The following USP4 variants were observed in gnomAD, a reference collection of about 807,000 sequenced individuals.
The protein encoded by USP4 is ubiquitin specific peptidase 4.
USP4 carries 72 observed loss-of-function variants against 118.2 expected under a neutral mutation model. The observed-to-expected ratio is 0.61, with a 90% confidence interval of 0.50 to 0.74. USP4 has a LOEUF of 0.74. Ranked by LOEUF, USP4 falls within the 30% of genes least tolerant of loss-of-function variation. USP4 has a pLI of 0.00. For synonymous variants in USP4, 415 were observed against 440.4 expected, an observed-to-expected ratio of 0.94 and a Z score of 0.72; for missense variants, 1,037 against 1,185.7, an observed-to-expected ratio of 0.87 and a Z score of 1.84.
intron 2 of USP4, among the ~76,000 whole-genome samples, chr3:49,328,242 C>T (rs2047577776): frequency 6.6e-6 from 1 of 151,936 alleles, no homozygotes; most frequent in Admixed American, 6.6e-5. Context: ...CCTGTAGTCC[C>T]AGCTACTCGG....
Position 49,292,505 on chromosome 3 carries a change from C to G in USP4, c.1972+5G>C, listed in dbSNP as rs376656962. The G allele has an allele frequency of 2.9e-4, 445 of 1,560,446 alleles. No individual in the cohort carries two copies. Among genetic ancestry groups the G allele is most frequent in the Non-Finnish European group, 3.7e-4 (431 of 1,152,436 alleles). ...TCACAGCCACAGAGCATGGTGCATA[C>G]TCACCTTCACAGCTGTTCCTGGAGC... is the stretch of plus-strand genomic sequence containing the variant. On this transcript the variant is annotated splice_donor_5th_base_variant and intron_variant, in intron 15 of 21. Transcript: ENST00000265560.
At chr3:49,309,941 A>ATATTTTTTTTTTT (rs2047365541) in intron 8 of USP4, among the ~76,000 whole-genome samples, 1 of 15,402 alleles carries the variant, frequency 6.5e-5, no homozygotes, top group African/African-American at 3.1e-4. Flanking sequence ...CTTTTTTTTA[A>ATATTTTTTTTTTT]TCTTTTTTTT....
At chr3:49,305,635 A>T (rs1265141917) in intron 9 of USP4, 80 bp downstream of exon 9, 3 of 1,345,302 alleles carry the variant, frequency 2.2e-6, no homozygotes, top group African/African-American at 1.5e-5. Flanking sequence ...ATCCTAAAAA[A>T]CCTGAAGTCC....
rs2046990590 is a variant in USP4 at position 49,279,071 on chromosome 3, A to T, written c.2645-169T>A. 9.5e-6 allele frequency: 4 copies of T among 421,184 alleles called. No individual in the cohort carries two copies. In the Admixed American group the frequency reaches 1.7e-4, roughly 18 times the overall value. The allele number at this position is 421,184 out of a possible 1,614,324, so 26.1% of individuals were successfully genotyped here. A position where few individuals can be genotyped will look rare whatever the true frequency, so the allele number is the denominator to read the frequency against. ...CAAAAAACAACTCACCTTCTTTTCT[A>T]ATCTGTTCCTTCTCAAAAAGGATCA... On this transcript the variant is annotated intron_variant, in intron 20 of 21. Transcript: ENST00000265560.
At position 49,277,923 on chromosome 3, in the gene USP4, G is replaced by A. The variant is rs142833128; in HGVS notation, c.*370C>T. On this transcript the variant is annotated 3_prime_UTR_variant, in exon 22 of 22. Coordinates refer to ENST00000265560, the MANE Select transcript of USP4 (RefSeq NM_003363.4). ...TGGCATCAGAACCAGAAATCCAGGC[G>A]CTCAGGGCAGCCCTGCAGGTGGGGT... The A allele has an allele frequency of 1.8e-5, 7 of 395,164 alleles. No homozygotes were observed. The East Asian group carries it at 2.2e-4, about 12-fold the overall frequency. The allele number at this position is 395,164 out of a possible 1,614,324, so 24.5% of individuals were successfully genotyped here. A position where few individuals can be genotyped will look rare whatever the true frequency, so the allele number is the denominator to read the frequency against.
At chr3:49,296,421 G>A (rs994404214) in intron 13 of USP4, among the ~76,000 whole-genome samples, 2 of 152,066 alleles carry the variant, frequency 1.3e-5, no homozygotes, top group Non-Finnish European at 2.9e-5. Context: ...AGGCCAAGGC[G>A]GGTGGATCAC....
At chr3:49,339,146 T>TCAAAA (rs959809507) in intron 1 of USP4, among the ~76,000 whole-genome samples, 7 of 152,102 alleles carry the variant, frequency 4.6e-5, no homozygotes, top group South Asian at 2.1e-4. Flanking sequence ...AAACTCCATC[T>TCAAAA]CAAAACAAAA....
At chr3:49,336,618 G>A (rs377171894) in intron 1 of USP4, among the ~76,000 whole-genome samples, 4 of 150,840 alleles carry the variant, frequency 2.7e-5, no homozygotes, top group South Asian at 4.2e-4. Context: ...TCCGCCTCCC[G>A]GGTTCAAGTG....
chr3:49,299,068 C>T (rs540882464), intron 11 of USP4, among the ~76,000 whole-genome samples: 8 of 151,994 alleles, frequency 5.3e-5, no homozygotes, highest in African/African-American at 1.2e-4. Flanking sequence ...CCACCAAGCC[C>T]GGCCTCAACT....
intron 2 of USP4, among the ~76,000 whole-genome samples, chr3:49,331,725 T>C (rs2047619647): frequency 6.6e-6 from 1 of 152,144 alleles, no homozygotes; most frequent in Non-Finnish European, 1.5e-5. Context: ...GCAGAGCAGA[T>C]TTAGCATAAT....
chr3:49,287,619 C>T (rs1231686653), intron 15 of USP4, among the ~76,000 whole-genome samples: 7 of 152,064 alleles, frequency 4.6e-5, no homozygotes, highest in South Asian at 2.1e-4. Flanking sequence ...ATTACAGGCA[C>T]GCACCACCAC....
At chr3:49,339,296 G>A (rs1233179356) in intron 1 of USP4, among the ~76,000 whole-genome samples, 3 of 152,144 alleles carry the variant, frequency 2.0e-5, no homozygotes, top group African/African-American at 7.2e-5. Flanking sequence ...CTATTAAGAT[G>A]CCTAATAACT....
chr3:49,304,488 G>C (rs148742320), intron 9 of USP4, among the ~76,000 whole-genome samples: 1 of 152,060 alleles, frequency 6.6e-6, no homozygotes, highest in East Asian at 1.9e-4. Flanking sequence ...CCAAGAATGT[G>C]AGCCCAATTC....
intron 1 of USP4, among the ~76,000 whole-genome samples, chr3:49,336,952 C>T (rs2047674364): frequency 6.6e-6 from 1 of 152,088 alleles, no homozygotes; most frequent in African/African-American, 2.4e-5. Flanking sequence ...AAACACCACC[C>T]ACTTCAGTTT....
chr3:49,312,648 C>T (rs2047396251), intron 6 of USP4: 1 of 361,438 alleles, frequency 2.8e-6, no homozygotes, highest in African/African-American at 2.1e-5. Flanking sequence ...AGAAATTAGC[C>T]AGGCATGGCA....
chr3:49,281,009 G>A (rs1292457791), intron 19 of USP4, among the ~76,000 whole-genome samples, 162 bp from the exon 20 acceptor site: 2 of 152,176 alleles, frequency 1.3e-5, no homozygotes, highest in Non-Finnish European at 2.9e-5. Context: ...TCCATGTTCT[G>A]ACCACTGACA....
At chr3:49,320,955 C>T (rs577063157) in intron 6 of USP4, among the ~76,000 whole-genome samples, 1 of 152,126 alleles carries the variant, frequency 6.6e-6, no homozygotes, top group South Asian at 2.1e-4. Flanking sequence ...CAGTACATCC[C>T]AGCCTTCCTG....
Position 49,327,782 on chromosome 3 carries a change from A to C in USP4, c.264T>G (p.Ile88Met). The change falls in exon 3 of 22, where the codon ATT (isoleucine) becomes ATG (methionine). Residue 88 changes from isoleucine (I) to methionine (M), a missense_variant. Ile to Met is a conservative substitution (Grantham distance 10). Around this residue, in one of 3 missense-constraint regions of USP4, gnomAD observed 487 missense variants for 534.1 expected, o/e 0.91. Coordinates refer to ENST00000265560, the MANE Select transcript of USP4 (RefSeq NM_003363.4). ...PESQTLKEHL[I>M]DELDYVLVPT... The stretch of plus-strand genomic sequence containing the variant: ...GGACCAATACATAGTCCAATTCATC[A>C]ATTAAGTGTTCTTTCAAGGTCTGAC... 6.2e-7 allele frequency: 1 copy of C among 1,613,924 alleles called. No homozygotes were observed. Among genetic ancestry groups the C allele is most frequent in the Middle Eastern group, 1.6e-4 (1 of 6,062 alleles).
intron 6 of USP4, among the ~76,000 whole-genome samples, chr3:49,320,608 C>T (rs1465908519): frequency 1.3e-5 from 2 of 152,182 alleles, no homozygotes; most frequent in African/African-American, 4.8e-5. Flanking sequence ...CACTGTATCC[C>T]TGGTGTGGTT....
Sources: allele counts gnomAD v4.1 joint callset (sites outside exome capture counted in the v4.1 genomes callset), GRCh38; gene constraint gnomAD v4.1.1; regional missense constraint gnomAD v4.1.1; transcripts MANE v1.5; gene names NCBI Gene and HGNC (gene_info 2026-07-23, HGNC 2026-07-21).